Variants in UBAP2 observed in about 807,000 individuals in gnomAD.
UBAP2 encodes ubiquitin-associated protein 2.
A neutral mutation model predicts 139.6 loss-of-function variants in UBAP2; 75 were observed. The observed-to-expected ratio is 0.54, with a 90% CI of 0.45 to 0.65. The LOEUF (loss-of-function observed/expected upper bound fraction) is 0.65, where lower values mean the gene tolerates loss of function less well. UBAP2 is among the 30% of genes least tolerant of loss of function. The probability of loss-of-function intolerance (pLI) is 0.00; values close to 1 mark genes in which losing one functional copy is unlikely to be tolerated. For synonymous variants in UBAP2, 526 were observed against 526.2 expected (o/e 1.00, Z 0.01); for missense variants, 1,368 against 1,369.6 (o/e 1.00, Z 0.02).
chr9:34,017,553 C>T (rs1295270842), intron 1 of UBAP2, among the ~76,000 whole-genome samples: 1 of 152,154 alleles, frequency 6.6e-6, no homozygotes, highest in Non-Finnish European at 1.5e-5. Flanking sequence ...ATTTTACCTG[C>T]CAATAGCCCA....
rs574552622 is a variant in UBAP2 at position 34,027,730 on chromosome 9, G to A, written c.-41-10541C>T. 7.9e-5 allele frequency among the ~76,000 whole-genome samples: 12 copies of A among 151,594 alleles called. No homozygotes were observed. In the East Asian group the frequency reaches 1.4e-3, roughly 17 times the overall value. On this transcript the variant is annotated intron_variant, in intron 1 of 28. Transcript: ENST00000379238. Reference sequence around the variant, plus strand: ...AAAAAAATTAGCCGGGGGTGGTGGCGGGTACCTGTAGCCCCAGCTACTCAG... The same window carrying A: ...AAAAAAATTAGCCGGGGGTGGTGGCAGGTACCTGTAGCCCCAGCTACTCAG...
chr9:33,986,867 T>C (rs1206004889), intron 5 of UBAP2, 30 bp from the exon 6 acceptor site: 2 of 1,595,748 alleles, frequency 1.3e-6, no homozygotes. Flanking sequence ...AAAATCAAAT[T>C]TCCATTTCCA....
intron 16 of UBAP2, among the ~76,000 whole-genome samples, chr9:33,939,161 C>G (rs1234726853): frequency 6.9e-6 from 1 of 145,332 alleles, no homozygotes; most frequent in Non-Finnish European, 1.5e-5. Context: ...GAAAACATAG[C>G]TTAATAACAT....
At chr9:34,017,004 A>T in intron 2 of UBAP2, 46 bp downstream of exon 2, 1 of 1,378,988 alleles carries the variant, frequency 7.3e-7, no homozygotes, top group Non-Finnish European at 9.8e-7. Flanking sequence ...TATAATAATA[A>T]AAGAAAAAAA....
At position 33,953,466 on chromosome 9, in the gene UBAP2, A is replaced by G. The variant is rs1226840481; in HGVS notation, c.875T>C (p.Leu292Pro). Reference sequence around the variant, plus strand: ...AACAGGCTTCTGGAGCAAGGCTACCAGATCAATGCTAAGCAGACAAAAAGC... The same window carrying G: ...AACAGGCTTCTGGAGCAAGGCTACCGGATCAATGCTAAGCAGACAAAAAGC... Reference protein sequence around the residue: ...NHILPGQSIDLVALLQKPVPH... With the variant: ...NHILPGQSIDPVALLQKPVPH... The change falls in exon 12 of 29, where the codon CTG becomes CCG. Residue 292 changes from leucine (L) to proline (P), a missense_variant. Transcript: ENST00000379238. 6.2e-7 allele frequency: 1 copy of G among 1,613,986 alleles called. No homozygotes were observed. The highest frequency in any genetic ancestry group is 1.1e-5 in the South Asian group (1 of 90,984).
At chr9:34,001,307 T>G (rs1471192109) in intron 2 of UBAP2, among the ~76,000 whole-genome samples, 2 of 152,222 alleles carry the variant, frequency 1.3e-5, no homozygotes, top group African/African-American at 4.8e-5. Flanking sequence ...TAGGGTAGCC[T>G]CCTAGTGTGT....
At chr9:33,990,530 T>C (rs1029834699) in intron 4 of UBAP2, among the ~76,000 whole-genome samples, 5 of 152,174 alleles carry the variant, frequency 3.3e-5, no homozygotes, top group African/African-American at 1.2e-4. Context: ...CTGAATATAC[T>C]ATCACCTGAT....
chr9:33,980,220 C>CTTTT (rs1173781682), intron 6 of UBAP2, among the ~76,000 whole-genome samples: 892 of 49,166 alleles, frequency 0.018, 260 homozygotes, highest in East Asian at 0.068. Flanking sequence ...AGTGTCATTT[C>CTTTT]TTTTTTTTTT....
chr9:34,046,997 C>G (rs1827663156), intron 1 of UBAP2, among the ~76,000 whole-genome samples: 1 of 152,036 alleles, frequency 6.6e-6, no homozygotes, highest in Non-Finnish European at 1.5e-5. Flanking sequence ...TGATCCAGCC[C>G]ACATTTAAAG....
chr9:33,986,748 A>T lies in UBAP2; in HGVS notation c.520+12T>A. Reference sequence around the variant, plus strand: ...AATTGAAAGCATTTTCTTCCCTCTTACTCTAGCTTACCTCTACCCCGGGCT... The same window carrying T: ...AATTGAAAGCATTTTCTTCCCTCTTTCTCTAGCTTACCTCTACCCCGGGCT... On this transcript the variant is annotated intron_variant, in intron 6 of 28. Transcript: ENST00000379238. The T allele has an allele frequency of 6.2e-7, 1 of 1,611,274 alleles. No homozygotes were observed. Among genetic ancestry groups the T allele is most frequent in the Non-Finnish European group, 8.5e-7 (1 of 1,178,212 alleles).
chr9:34,043,668 AT>A (rs1008135861), intron 1 of UBAP2, among the ~76,000 whole-genome samples: 2 of 151,254 alleles, frequency 1.3e-5, no homozygotes, highest in Non-Finnish European at 2.9e-5. Flanking sequence ...TAATTTTTAC[AT>A]TTTTTTTATA....
rs201167519 is a variant in UBAP2 at position 33,935,812 on chromosome 9, A to G, written c.1969+27T>C. On this transcript the variant is annotated intron_variant, in intron 17 of 28. Transcript: ENST00000379238. ...CTCTGTTTGGTTGGCACCAGCCATG[A>G]CAAGAGTAGCTTGCTGCTATACTTA... 91 of 1,613,836 alleles carry G rather than the reference A, an allele frequency of 5.6e-5. No individual in the cohort carries two copies. The Middle Eastern group carries it at 6.6e-4, about 12-fold the overall frequency.
chr9:33,955,040 T>C (rs1260069955), intron 11 of UBAP2, among the ~76,000 whole-genome samples: 1 of 152,210 alleles, frequency 6.6e-6, no homozygotes, highest in Non-Finnish European at 1.5e-5. Flanking sequence ...GGTTATCCCA[T>C]AAGTTCCTTC....
At chr9:33,928,143 T>C (rs1191870485) in intron 19 of UBAP2, 151 bp from the exon 20 acceptor site, 1 of 725,228 alleles carries the variant, frequency 1.4e-6, no homozygotes, top group Non-Finnish European at 2.2e-6. Flanking sequence ...AGAGGCTCTG[T>C]GCTCAGTGCT....
At position 33,964,077 on chromosome 9, in the gene UBAP2, A is replaced by G. The variant is rs113218757; in HGVS notation, c.680-286T>C. 6.1e-3 allele frequency among the ~76,000 whole-genome samples: 927 copies of G among 152,290 alleles called. 10 individuals are homozygous for G. Among genetic ancestry groups the G allele is most frequent in the African/African-American group, 0.021 (879 of 41,562 alleles). ...AAGAGAGTATTCTAATCTGTTCAAC[A>G]GGTACCAGTTTTTAGAAAATTTATA... On this transcript the variant is annotated intron_variant, in intron 8 of 28. Coordinates refer to ENST00000379238, the MANE Select transcript of UBAP2 (RefSeq NM_001370062.2).
chr9:34,006,581 T>C (rs1205509606), intron 2 of UBAP2, among the ~76,000 whole-genome samples: 3 of 151,472 alleles, frequency 2.0e-5, no homozygotes, highest in East Asian at 1.9e-4. Flanking sequence ...GAGGCTGAGG[T>C]AGGAGGATTA....
chr9:33,924,037 T>C, intron 23 of UBAP2, 37 bp from the exon 24 acceptor site: 2 of 1,610,372 alleles, frequency 1.2e-6, no homozygotes, highest in Non-Finnish European at 1.7e-6. Flanking sequence ...CTGCCCTTCC[T>C]CCAACCAGAG....
chr9:34,008,750 AG>A (rs1323830500), intron 2 of UBAP2, among the ~76,000 whole-genome samples: 1 of 151,926 alleles, frequency 6.6e-6, no homozygotes, highest in Admixed American at 6.6e-5. Context: ...GCGGATCACA[AG>A]GTCAAGAAAT....
intron 1 of UBAP2, among the ~76,000 whole-genome samples, chr9:34,031,934 T>C (rs573565200): frequency 8.1e-4 from 123 of 152,208 alleles, no homozygotes; most frequent in Non-Finnish European, 1.4e-3. Flanking sequence ...CCCAGGAGTT[T>C]GAGACCAGCC....
Sources: allele counts gnomAD v4.1 joint callset (sites outside exome capture counted in the v4.1 genomes callset), GRCh38; gene constraint gnomAD v4.1.1; transcripts MANE v1.5; gene names NCBI Gene and HGNC (gene_info 2026-07-23, HGNC 2026-07-21).